Variants in SLC9A8 observed in about 807,000 individuals in gnomAD.
The protein encoded by SLC9A8 is sodium/hydrogen exchanger 8.
In SLC9A8, 48 loss-of-function variants were observed where a neutral mutation model predicts 66.6. That is an observed-to-expected ratio of 0.72 (90% CI 0.57 to 0.92). The LOEUF is 0.92. Ranked by LOEUF, SLC9A8 falls within the 40% of genes least tolerant of loss-of-function variation. The pLI, the probability that SLC9A8 is intolerant of heterozygous loss-of-function variation, is 0.00. For missense variants in SLC9A8, 599 were observed against 747.3 expected, an observed-to-expected ratio of 0.80 and a Z score of 2.31; for synonymous variants, 274 against 282.6, an observed-to-expected ratio of 0.97 and a Z score of 0.31.
intron 1 of SLC9A8, among the ~76,000 whole-genome samples, chr20:49,813,451 C>T (rs552707197): frequency 6.6e-6 from 1 of 152,322 alleles, no homozygotes; most frequent in South Asian, 2.1e-4. Flanking sequence ...CCAGGAGCCG[C>T]TCTCTGGGAG....
Position 49,850,854 on chromosome 20 carries a change from T to G in SLC9A8, c.569+10T>G, listed in dbSNP as rs1555836574. The G allele has an allele frequency of 1.3e-6, 2 of 1,598,396 alleles. No homozygotes were observed. The highest frequency in any genetic ancestry group is 1.7e-6 in the Non-Finnish European group (2 of 1,171,920). ...TCAACATGACAGACAGGTAAATCCT[T>G]CATACTGTAACACCCATGCGACTGC... is the stretch of plus-strand genomic sequence containing the variant. On this transcript the variant is annotated intron_variant, in intron 7 of 15. Coordinates refer to ENST00000361573, the MANE Select transcript of SLC9A8 (RefSeq NM_015266.3).
intron 4 of SLC9A8, among the ~76,000 whole-genome samples, chr20:49,844,283 CAT>C (rs920923442): frequency 1.3e-5 from 2 of 152,078 alleles, no homozygotes; most frequent in African/African-American, 4.8e-5. Flanking sequence ...CTATTTTAAC[CAT>C]ATATAGGATT....
rs2088894292 is a variant in SLC9A8, at chr20:49,864,800, T to C, written c.914T>C (p.Phe305Ser). The change falls in exon 10 of 16, where the codon TTT becomes TCT. Residue 305 changes from phenylalanine to serine, a missense_variant. By Grantham distance (155) the Phe-to-Ser change is radical. Transcript: ENST00000361573. ...TTGGAGTTTGGCATGATGATCATTT[T>C]TGCTTATCTGCCTTATGGGCTTGCA... ...PSLEFGMMII[F>S]AYLPYGLAEG... 1.9e-6 allele frequency: 3 copies of C among 1,614,066 alleles called. No individual in the cohort carries two copies. The highest frequency in any genetic ancestry group is 8.5e-7 in the Non-Finnish European group (1 of 1,179,992).
At chr20:49,871,480 G>A (rs950194641) in intron 10 of SLC9A8, among the ~76,000 whole-genome samples, 1 of 152,134 alleles carries the variant, frequency 6.6e-6, no homozygotes, top group Non-Finnish European at 1.5e-5. Context: ...TTCCTTAAGC[G>A]TATTTTTTCA....
chr20:49,849,435 G>A, intron 5 of SLC9A8, 144 bp from the exon 6 acceptor site: 1 of 638,088 alleles, frequency 1.6e-6, no homozygotes, highest in East Asian at 2.7e-5. Flanking sequence ...AAGACTCCCG[G>A]GCTCCCAGCT....
At chr20:49,836,124 T>C (rs2087525805) in intron 3 of SLC9A8, among the ~76,000 whole-genome samples, 1 of 152,220 alleles carries the variant, frequency 6.6e-6, no homozygotes, top group Non-Finnish European at 1.5e-5. Flanking sequence ...ACTGTCCCTG[T>C]AGATTTGTCT....
intron 2 of SLC9A8, among the ~76,000 whole-genome samples, chr20:49,816,524 G>A (rs920521171): frequency 4.6e-5 from 7 of 152,052 alleles, no homozygotes; most frequent in African/African-American, 1.7e-4. Flanking sequence ...GTCATACCAG[G>A]CTGATATAAG....
At chr20:49,883,441 C>T (rs1305266937) in intron 13 of SLC9A8, among the ~76,000 whole-genome samples, 5 of 152,154 alleles carry the variant, frequency 3.3e-5, no homozygotes, top group Non-Finnish European at 2.9e-5. Flanking sequence ...TAGCGCTGCT[C>T]GGTGAGGATT....
chr20:49,870,541 C>T (rs561817971), intron 10 of SLC9A8, among the ~76,000 whole-genome samples: 18 of 152,218 alleles, frequency 1.2e-4, no homozygotes, highest in Middle Eastern at 3.4e-3. Context: ...ACCAGTGTGG[C>T]CAGGACGCTG....
At chr20:49,850,886 G>T in intron 7 of SLC9A8, 42 bp downstream of exon 7, 1 of 1,466,478 alleles carries the variant, frequency 6.8e-7, no homozygotes, top group South Asian at 1.2e-5. Flanking sequence ...CTGCTTTTCA[G>T]ACAGGGGAAA....
chr20:49,814,782 C>G lies in SLC9A8; in HGVS notation c.27-226C>G, dbSNP rs146209893. Among the ~76,000 whole-genome samples the G allele has an allele frequency of 2.6e-5, 4 of 152,232 alleles. No homozygotes were observed. The East Asian group carries it at 5.8e-4, about 22-fold the overall frequency. ...TTCTATACTAGCTCTGATTCCCTACCGTTCTTGTCCTCTAAGTGGCTGTAT... is the reference window on the plus strand; with the variant it reads ...TTCTATACTAGCTCTGATTCCCTACGGTTCTTGTCCTCTAAGTGGCTGTAT... On this transcript the variant is annotated intron_variant, in intron 1 of 15. Coordinates refer to ENST00000361573, the MANE Select transcript of SLC9A8 (RefSeq NM_015266.3).
intron 4 of SLC9A8, among the ~76,000 whole-genome samples, chr20:49,841,311 TAAA>T (rs535960944): frequency 2.4e-5 from 3 of 124,086 alleles, no homozygotes; most frequent in Non-Finnish European, 5.2e-5. Context: ...ACCCTGTCTC[TAAA>T]AAAAAAAAAA....
chr20:49,823,262 A>G (rs766701077), intron 3 of SLC9A8, 121 bp downstream of exon 3: 2 of 793,404 alleles, frequency 2.5e-6, no homozygotes, highest in Non-Finnish European at 4.4e-6. Flanking sequence ...TTTGATCCTC[A>G]CTGCAACCTG....
In SLC9A8 at chr20:49,886,922, T is replaced by A. The variant is rs1355899047; in HGVS notation, c.1638+24T>A. The A allele has an allele frequency of 6.2e-7, 1 of 1,603,442 alleles. No individual in the cohort carries two copies. The highest frequency in any genetic ancestry group is 8.5e-7 in the Non-Finnish European group (1 of 1,173,186). ...AGGTGGGATACCGGCCAGGCCACAC[T>A]TTCTGGGGGTCCCTTGCCTGCCTCC... On this transcript the variant is annotated intron_variant, in intron 15 of 15. Coordinates refer to ENST00000361573, the MANE Select transcript of SLC9A8 (RefSeq NM_015266.3). The surrounding 1 kb of genome is among the most constrained non-coding windows in gnomAD (Gnocchi z 4.8).
chr20:49,817,591 G>C (rs957617517), intron 2 of SLC9A8, among the ~76,000 whole-genome samples: 11 of 151,740 alleles, frequency 7.2e-5, no homozygotes, highest in African/African-American at 2.7e-4. Context: ...CCAGCGATTT[G>C]AGACCAGCCT....
intron 7 of SLC9A8, among the ~76,000 whole-genome samples, chr20:49,852,069 C>G (rs1284605225): frequency 6.6e-6 from 1 of 152,150 alleles, no homozygotes; most frequent in African/African-American, 2.4e-5. Flanking sequence ...GTTTCCTTTG[C>G]TGTTAGAAAG....
intron 3 of SLC9A8, among the ~76,000 whole-genome samples, chr20:49,833,613 A>G (rs2087305366): frequency 6.6e-6 from 1 of 152,202 alleles, no homozygotes; most frequent in South Asian, 2.1e-4. Flanking sequence ...AGCCTGCAGT[A>G]GTGCAGTCTC....
chr20:49,882,783 A>G (rs914037941), intron 13 of SLC9A8, among the ~76,000 whole-genome samples: 2 of 152,204 alleles, frequency 1.3e-5, no homozygotes, highest in South Asian at 4.1e-4. Flanking sequence ...AGCACATTAC[A>G]TGTCCCGTGT....
At chr20:49,830,670 A>G in intron 3 of SLC9A8, 1 of 653,926 alleles carries the variant, frequency 1.5e-6, no homozygotes, top group Non-Finnish European at 2.8e-6. Flanking sequence ...GGACTGCAGC[A>G]GCTGCTTCCA....
Sources: allele counts gnomAD v4.1 joint callset (sites outside exome capture counted in the v4.1 genomes callset), GRCh38; gene constraint gnomAD v4.1.1; non-coding constraint Gnocchi (gnomAD v3.1); transcripts MANE v1.5; gene names NCBI Gene and HGNC (gene_info 2026-07-23, HGNC 2026-07-21).